CR1L: variants seen among roughly 807,000 people sequenced by gnomAD.
The protein encoded by CR1L is complement C3b/C4b receptor 1 like.
CR1L carries 59 observed loss-of-function variants against 62.3 expected under a neutral mutation model. That is an observed-to-expected ratio of 0.95 (90% CI 0.77 to 1.18). The LOEUF is 1.18. Ranked by LOEUF, CR1L falls within the 50% of genes most tolerant of loss-of-function variation. The pLI, the probability that CR1L is intolerant of heterozygous loss-of-function variation, is 0.00. For synonymous variants in CR1L, 279 were observed against 248.7 expected (o/e 1.12, Z -1.15); for missense variants, 700 against 702.8 (o/e 1.00, Z 0.04).
At chr1:207,709,874 T>G (rs1571534147) in intron 10 of CR1L, among the ~76,000 whole-genome samples, 1 of 150,420 alleles carries the variant, frequency 6.6e-6, no homozygotes. Flanking sequence ...TAATAATATA[T>G]GGACACATTT....
At chr1:207,680,024 A>G (rs1422341883) in intron 3 of CR1L, among the ~76,000 whole-genome samples, 1 of 152,240 alleles carries the variant, frequency 6.6e-6, no homozygotes, top group Non-Finnish European at 1.5e-5. Flanking sequence ...ATGCCATAAC[A>G]GTAGGTACAT....
At chr1:207,692,301 A>T (rs959160669) in intron 4 of CR1L, among the ~76,000 whole-genome samples, 2 of 152,196 alleles carry the variant, frequency 1.3e-5, no homozygotes, top group African/African-American at 4.8e-5. Flanking sequence ...ACCGTAGTGA[A>T]TTCTTAGAAT....
intron 3 of CR1L, among the ~76,000 whole-genome samples, chr1:207,683,251 C>T (rs1311266128): frequency 6.6e-6 from 1 of 152,036 alleles, no homozygotes; most frequent in Non-Finnish European, 1.5e-5. Flanking sequence ...ATCTTCCTGC[C>T]TCAGCCTTCT....
intron 1 of CR1L, among the ~76,000 whole-genome samples, chr1:207,664,986 T>A (rs965769798): frequency 1.3e-5 from 2 of 152,242 alleles, no homozygotes; most frequent in African/African-American, 4.8e-5. Flanking sequence ...CCCAAGCACA[T>A]TACTTTTATG....
intron 1 of CR1L, among the ~76,000 whole-genome samples, chr1:207,650,016 GTGTGTA>G (rs1465904561): frequency 2.0e-5 from 3 of 152,168 alleles, no homozygotes; most frequent in Admixed American, 1.3e-4. Flanking sequence ...GGGGGCGTGT[GTGTGTA>G]TGTGTATGTG....
intron 1 of CR1L, among the ~76,000 whole-genome samples, chr1:207,664,496 A>C (rs1290476219): frequency 6.6e-6 from 1 of 152,210 alleles, no homozygotes; most frequent in African/African-American, 2.4e-5. Context: ...GGGCAGGAAG[A>C]GATGGTTTTT....
rs554424110 is a variant in CR1L, at chr1:207,688,604, TTCCACAAAAAGAA to T, written c.463+4651_463+4663del. Among the ~76,000 whole-genome samples, 487 of 152,300 alleles carry T rather than the reference TTCCACAAAAAGAA, an allele frequency of 3.2e-3. 17 individuals carry two copies. The highest frequency in any genetic ancestry group is 0.031 in the Admixed American group (479 of 15,298). On this transcript the variant is annotated intron_variant, in intron 4 of 11. Coordinates refer to ENST00000508064, the MANE Select transcript of CR1L (RefSeq NM_175710.2). ...TAAAATTTAGAATCAGCTTGTCAAT[TTCCACAAAAAGAA>T]TCCTACTTGAATTTGTATTGAGTTT...
chr1:207,647,861 G>A (rs957667312), intron 1 of CR1L, among the ~76,000 whole-genome samples: 17 of 152,178 alleles, frequency 1.1e-4, no homozygotes, highest in African/African-American at 3.1e-4. Flanking sequence ...GAAGGAGGGT[G>A]ATGGGATTAG....
chr1:207,667,774 A>G (rs1379361471), intron 1 of CR1L, among the ~76,000 whole-genome samples: 1 of 144,154 alleles, frequency 6.9e-6, no homozygotes, highest in Non-Finnish European at 1.5e-5. Context: ...TATGCCTTTG[A>G]CAAGGGGTTA....
At position 207,694,319 on chromosome 1, in the gene CR1L, A is replaced by G. The variant is rs557412464; in HGVS notation, c.464-34A>G. 5.3e-5 allele frequency: 86 copies of G among 1,611,364 alleles called. No individual in the cohort carries two copies. In the East Asian group the frequency reaches 1.8e-3, roughly 35 times the overall value. ...GTGACTCGTGAGATTTTTGTCATTCATTATTTAAATTGACTGTGCTCTTCC... is the reference window on the plus strand; with the variant it reads ...GTGACTCGTGAGATTTTTGTCATTCGTTATTTAAATTGACTGTGCTCTTCC... On this transcript the variant is annotated intron_variant, in intron 4 of 11. Transcript: ENST00000508064.
chr1:207,716,063 G>A (rs1333752948), intron 10 of CR1L, among the ~76,000 whole-genome samples: 1 of 152,110 alleles, frequency 6.6e-6, no homozygotes, highest in Non-Finnish European at 1.5e-5. Context: ...TTAGCCTGCA[G>A]TATTGAATGA....
intron 1 of CR1L, among the ~76,000 whole-genome samples, chr1:207,646,754 A>G (rs1467108496): frequency 1.3e-5 from 2 of 150,794 alleles, no homozygotes; most frequent in Non-Finnish European, 2.9e-5. Context: ...ATACATGCTT[A>G]AATACAGGCT....
chr1:207,645,667 T>A (rs1571637415), intron 1 of CR1L, among the ~76,000 whole-genome samples: 1 of 152,186 alleles, frequency 6.6e-6, no homozygotes, highest in Admixed American at 6.5e-5. Context: ...GGGCTTGCTC[T>A]GGAGTGCACA....
intron 10 of CR1L, 126 bp from the exon 11 acceptor site, chr1:207,717,338 C>A: frequency 1.8e-6 from 2 of 1,089,148 alleles, no homozygotes; most frequent in Non-Finnish European, 2.6e-6. Flanking sequence ...TAAATTCCAT[C>A]CACCTTAGTT....
intron 10 of CR1L, 43 bp from the exon 11 acceptor site, chr1:207,717,421 G>C (rs1246094077): frequency 6.3e-7 from 1 of 1,593,006 alleles, no homozygotes; most frequent in Non-Finnish European, 8.6e-7. Flanking sequence ...GTCATCTTAA[G>C]TGAAACTCTA....
intron 1 of CR1L, among the ~76,000 whole-genome samples, chr1:207,646,626 G>A (rs1440576451): frequency 6.9e-6 from 1 of 144,018 alleles, no homozygotes; most frequent in Non-Finnish European, 1.5e-5. Flanking sequence ...TGGGAGGATC[G>A]CTTGAGCCCA....
chr1:207,705,306 C>G (rs1023824525), intron 9 of CR1L, among the ~76,000 whole-genome samples: 1 of 152,248 alleles, frequency 6.6e-6, no homozygotes, highest in Admixed American at 6.5e-5. Context: ...GTCACATCCA[C>G]AGGGACTGGG....
At chr1:207,688,472 A>C (rs1217055758) in intron 4 of CR1L, among the ~76,000 whole-genome samples, 1 of 152,168 alleles carries the variant, frequency 6.6e-6, no homozygotes, top group Non-Finnish European at 1.5e-5. Context: ...TTAAGATTTT[A>C]ATTACTATAG....
intron 3 of CR1L, among the ~76,000 whole-genome samples, chr1:207,679,295 G>A (rs971586814): frequency 1.3e-5 from 2 of 150,690 alleles, no homozygotes; most frequent in South Asian, 2.1e-4. Flanking sequence ...ATGAGCCACC[G>A]CACCCAGCCC....
Sources: allele counts gnomAD v4.1 joint callset (sites outside exome capture counted in the v4.1 genomes callset), GRCh38; gene constraint gnomAD v4.1.1; transcripts MANE v1.5; gene names NCBI Gene and HGNC (gene_info 2026-07-23, HGNC 2026-07-21).